The following VGLL1 variants were observed in gnomAD, a reference collection of about 807,000 sequenced individuals.
VGLL1 encodes the protein vestigial like family member 1, also known as transcription cofactor vestigial-like protein 1.
A neutral mutation model predicts 12.0 loss-of-function variants in VGLL1; 4 were observed. That is an observed-to-expected ratio of 0.33 (90% CI 0.16 to 0.76). The LOEUF (loss-of-function observed/expected upper bound fraction) is 0.76, where lower values mean the gene tolerates loss of function less well. VGLL1 is among the 30% of genes least tolerant of loss of function. VGLL1 has a pLI of 0.60. For missense variants in VGLL1, 204 were observed against 208.7 expected (o/e 0.98, Z 0.14); for synonymous variants, 87 against 81.2 (o/e 1.07, Z -0.39).
chrX:136,532,861 C>T (rs755408493), intron 1 of VGLL1, among the ~76,000 whole-genome samples: 5 of 109,490 alleles, frequency 4.6e-5, no homozygotes, highest in African/African-American at 6.7e-5. Flanking sequence ...TTGTCTACTA[C>T]GAGAGGCTTT....
intron 2 of VGLL1, among the ~76,000 whole-genome samples, chrX:136,545,298 G>A (rs1459532502): frequency 8.9e-6 from 1 of 111,854 alleles, no homozygotes; most frequent in Non-Finnish European, 1.9e-5. Context: ...GTGTGTGTGT[G>A]CATGTTTGTG....
intron 4 of VGLL1, among the ~76,000 whole-genome samples, chrX:136,552,802 A>G (rs2148533715): frequency 8.9e-6 from 1 of 112,017 alleles, no homozygotes; most frequent in Non-Finnish European, 1.9e-5. Flanking sequence ...ATTATCAGAA[A>G]CAATTCCAAG....
At chrX:136,540,232 C>G (rs1185487256) in intron 2 of VGLL1, among the ~76,000 whole-genome samples, 1 of 111,754 alleles carries the variant, frequency 8.9e-6, no homozygotes, top group Non-Finnish European at 1.9e-5. Flanking sequence ...CTTCCCATGT[C>G]ACTTGGAATC....
chrX:136,547,363 G>A (rs1330992644), intron 2 of VGLL1, among the ~76,000 whole-genome samples: 3 of 112,048 alleles, frequency 2.7e-5, no homozygotes, highest in Non-Finnish European at 5.6e-5. Flanking sequence ...GCTATCATAG[G>A]CACAATAAGA....
intron 4 of VGLL1, among the ~76,000 whole-genome samples, chrX:136,553,074 G>C (rs984179292): frequency 2.7e-5 from 3 of 111,087 alleles, no homozygotes; most frequent in Non-Finnish European, 5.7e-5. Flanking sequence ...TGTGGCCCTG[G>C]GCAGAGGGAG....
intron 4 of VGLL1, 26 bp downstream of exon 4, chrX:136,550,847 GGTGT>G (rs1399258225): frequency 8.4e-7 from 1 of 1,183,988 alleles, no homozygotes; most frequent in Non-Finnish European, 1.1e-6. Context: ...AGCCTTTGAT[GGTGT>G]GTGTCTGTAT....
chrX:136,555,316 T>C (rs763141611), intron 4 of VGLL1, among the ~76,000 whole-genome samples: 4 of 112,012 alleles, frequency 3.6e-5, no homozygotes, highest in African/African-American at 9.7e-5. Flanking sequence ...AGGAGCCAGA[T>C]TGAAGTGGGC....
chrX:136,547,044 G>A (rs1211781043), intron 2 of VGLL1, among the ~76,000 whole-genome samples: 1 of 112,601 alleles, frequency 8.9e-6, no homozygotes, highest in East Asian at 2.8e-4. Flanking sequence ...CAGTAACACT[G>A]GGCAGGCCTT....
chrX:136,533,704 C>A (rs2075832153), intron 1 of VGLL1, among the ~76,000 whole-genome samples: 1 of 111,994 alleles, frequency 8.9e-6, no homozygotes, highest in African/African-American at 3.2e-5. Context: ...TGAAGGAAAC[C>A]AGATGGCTGG....
At chrX:136,556,347 T>C (rs2075900988) in intron 4 of VGLL1, 104 bp from the exon 5 acceptor site, 5 of 568,339 alleles carry the variant, frequency 8.8e-6, no homozygotes, top group South Asian at 3.1e-5. Flanking sequence ...TTGAGGACTC[T>C]GGTATCTGAC....
At chrX:136,536,868 T>C (rs1259959236) in intron 2 of VGLL1, among the ~76,000 whole-genome samples, 5 of 112,248 alleles carry the variant, frequency 4.5e-5, no homozygotes, top group African/African-American at 1.6e-4. Flanking sequence ...CATACAAATA[T>C]GCAAATTTGT....
chrX:136,542,161 C>T lies in VGLL1; in HGVS notation c.214+5927C>T, dbSNP rs189343675. On this transcript the variant is annotated intron_variant, in intron 2 of 4. Transcript: ENST00000370634. ...AAGGATCCAGCCTCCTTCTCTCTCC[C>T]CTCCCATCTGCCATAATCAGTAAGG... Among the ~76,000 whole-genome samples, 25 of 109,570 alleles carry T rather than the reference C, an allele frequency of 2.3e-4. 1 individual carries two copies. In the Admixed American group the frequency reaches 2.3e-3, roughly 10 times the overall value.
intron 2 of VGLL1, 26 bp from the exon 3 acceptor site, chrX:136,548,563 A>G (rs377588482): frequency 7.5e-6 from 9 of 1,192,096 alleles, no homozygotes. Context: ...AACACCTAAC[A>G]TGTCTTCTAA....
intron 2 of VGLL1, among the ~76,000 whole-genome samples, chrX:136,545,284 ATG>A (rs757348654): frequency 6.4e-5 from 7 of 109,380 alleles, no homozygotes; most frequent in Non-Finnish European, 9.5e-5. Flanking sequence ...AAGGGTGTGT[ATG>A]TGTGTGTGTG....
At chrX:136,539,936 A>T (rs2075851128) in intron 2 of VGLL1, among the ~76,000 whole-genome samples, 1 of 111,755 alleles carries the variant, frequency 8.9e-6, no homozygotes, top group African/African-American at 3.3e-5. Flanking sequence ...CCTTGAAGTC[A>T]TGCTTAACAC....
At chrX:136,555,214 G>C (rs138997696) in intron 4 of VGLL1, among the ~76,000 whole-genome samples, 26 of 112,277 alleles carry the variant, frequency 2.3e-4, no homozygotes, top group Non-Finnish European at 9.4e-5. Context: ...GATCAAATAA[G>C]AGAAGGTCAA....
In VGLL1 at chrX:136,551,646, G is replaced by A. The variant is rs1247352430; in HGVS notation, c.688+825G>A. On this transcript the variant is annotated intron_variant, in intron 4 of 4. Coordinates refer to ENST00000370634, the MANE Select transcript of VGLL1 (RefSeq NM_016267.4). ...GCCCACCTCATTGGGTGAGGTGTGA[G>A]GAGTAAATGAAATAATGTATACCAA... is the stretch of plus-strand genomic sequence containing the variant. Among the ~76,000 whole-genome samples, 3 of 112,067 alleles carry A rather than the reference G, an allele frequency of 2.7e-5. No homozygotes were observed. In the East Asian group the frequency reaches 8.4e-4, roughly 31 times the overall value.
Position 136,532,264 on chromosome X carries a change from C to T in VGLL1, c.-58C>T, listed in dbSNP as rs2075824261. 1 of 111,755 alleles carries T rather than the reference C, an allele frequency of 8.9e-6. No individual in the cohort carries two copies. Among genetic ancestry groups the T allele is most frequent in the Admixed American group, 9.5e-5 (1 of 10,570 alleles). 9.2% of individuals were successfully genotyped at this position (111,755 alleles called of 1,213,427 possible). On this transcript the variant is annotated 5_prime_UTR_variant, in exon 1 of 5. Coordinates refer to ENST00000370634, the MANE Select transcript of VGLL1 (RefSeq NM_016267.4). ...GGCAGCTCTGGCCATCTTTTCCCAG[C>T]CACAGAATCAGGTGATGGTCCAGAA...
chrX:136,545,222 G>A (rs2075866461), intron 2 of VGLL1, among the ~76,000 whole-genome samples: 1 of 111,941 alleles, frequency 8.9e-6, no homozygotes, highest in African/African-American at 3.3e-5. Context: ...CAAAGTCTGT[G>A]CTTTTAACCA....
Sources: gnomAD v4.1 joint callset for allele counts (sites outside exome capture counted in the v4.1 genomes callset) on GRCh38, gnomAD v4.1.1 for gene constraint, MANE v1.5 for transcripts, NCBI Gene and HGNC (gene_info 2026-07-23, HGNC 2026-07-21) for gene names.